The following SMG5 variants were observed in gnomAD, a reference collection of about 807,000 sequenced individuals.
SMG5 encodes the protein nonsense-mediated mRNA decay factor SMG5.
Under a neutral mutation model 122.9 loss-of-function variants are expected in SMG5, and 53 were observed. The ratio of observed to expected loss-of-function variants is 0.43; its 90% CI spans 0.35 to 0.54. The LOEUF (loss-of-function observed/expected upper bound fraction) is 0.54. Ranked by LOEUF, SMG5 falls within the 20% of genes least tolerant of loss-of-function variation. The probability of loss-of-function intolerance (pLI) is 0.01; values close to 1 mark genes in which losing one functional copy is unlikely to be tolerated. For synonymous variants in SMG5, 477 were observed against 490.2 expected (o/e 0.97, Z 0.35); for missense variants, 1,153 against 1,285.6 (o/e 0.90, Z 1.58).
In SMG5 at chr1:156,251,167, G is replaced by T. The variant is rs533396150; in HGVS notation, c.2829-171C>A. On this transcript the variant is annotated intron_variant, in intron 20 of 21. Coordinates refer to ENST00000361813, the MANE Select transcript of SMG5 (RefSeq NM_015327.3). ...TGGGGAGCAGGCAAAGGTGCATTGA[G>T]GGAAAACACCAAGCCTGAGCATCGC... 9 of 972,264 alleles carry T rather than the reference G, an allele frequency of 9.3e-6. No individual in the cohort carries two copies. In the Admixed American group the frequency reaches 1.9e-4, roughly 21 times the overall value. The allele number at this position is 972,264 out of a possible 1,614,324, so 60.2% of individuals were successfully genotyped here.
intron 13 of SMG5, among the ~76,000 whole-genome samples, chr1:156,261,669 C>A (rs1010334087): frequency 1.4e-4 from 22 of 152,132 alleles, no homozygotes; most frequent in Admixed American, 4.6e-4. Flanking sequence ...AGGCGGATCA[C>A]CTGAGGTCAG....
rs953591105 is a variant in SMG5 at position 156,268,324 on chromosome 1, ACTT to A, written c.802_804del (p.Lys268del). On this transcript the variant is annotated inframe_deletion, in exon 8 of 22. Transcript: ENST00000361813. ...CCAGGAGACAGTTTCCGAGTCTCAC[ACTT>A]CTTCAGTTGGTGGTACATTTTGGCT... 1.9e-6 allele frequency: 3 copies of A among 1,614,136 alleles called. No individual in the cohort carries two copies. Among genetic ancestry groups the A allele is most frequent in the African/African-American group, 1.3e-5 (1 of 75,022 alleles).
In SMG5 at chr1:156,260,460, G is replaced by A. The variant is rs777367444; in HGVS notation, c.2274C>T (p.Thr758=). Residue 758 remains threonine, a synonymous_variant, in exon 15 of 22, where the codon ACC becomes ACT. Transcript: ENST00000361813. ...GAAATGCTATCCTTACCTCCTCTAA[G>A]GTGCTGAGCAGGGGCCGATCCGTGT... ...NFDTDRPLLS[T]LEESVVRICC... 1.9e-6 allele frequency: 3 copies of A among 1,598,302 alleles called. No individual in the cohort carries two copies. The Admixed American group carries it at 5.3e-5, about 28-fold the overall frequency.
chr1:156,277,253 G>C lies in SMG5; in HGVS notation c.298-12C>G, dbSNP rs922354758. 2.5e-6 allele frequency: 4 copies of C among 1,610,810 alleles called. No homozygotes were observed. Among genetic ancestry groups the C allele is most frequent in the Non-Finnish European group, 3.4e-6 (4 of 1,178,986 alleles). Reference sequence around the variant, plus strand: ...CGGCTGTGGATGTGCTACAGATTGCGAAAGGGAAGGGGCTGGTTAAGCAAT... The same window carrying C: ...CGGCTGTGGATGTGCTACAGATTGCCAAAGGGAAGGGGCTGGTTAAGCAAT... On this transcript the variant is annotated splice_polypyrimidine_tract_variant and intron_variant, in intron 3 of 21. Coordinates refer to ENST00000361813, the MANE Select transcript of SMG5 (RefSeq NM_015327.3).
intron 4 of SMG5, among the ~76,000 whole-genome samples, chr1:156,275,995 G>C (rs1254765898): frequency 2.0e-5 from 3 of 151,162 alleles, no homozygotes; most frequent in Non-Finnish European, 2.9e-5. Flanking sequence ...ATTTTTTGTA[G>C]AGATGATGTA....
At position 156,277,097 on chromosome 1, in the gene SMG5, C is replaced by A; in HGVS notation, c.442G>T (p.Asp148Tyr). The change falls in exon 4 of 22, where the codon GAC becomes TAC. Residue 148 changes from aspartate to tyrosine, a missense_variant. Physicochemically the swap from Asp to Tyr is radical, Grantham distance 160. Coordinates refer to ENST00000361813, the MANE Select transcript of SMG5 (RefSeq NM_015327.3). Reference protein sequence around the residue: ...QCCIDWTHVTDPLIGCKKPVS... With the variant: ...QCCIDWTHVTYPLIGCKKPVS... The stretch of plus-strand genomic sequence containing the variant: ...AGGTTCCACTGACCTATGAGGGGGT[C>A]AGTGACATGGGTCCAGTCGATGCAG... 6.2e-7 allele frequency: 1 copy of A among 1,613,428 alleles called. No individual in the cohort carries two copies. The highest frequency in any genetic ancestry group is 1.1e-5 in the South Asian group (1 of 90,980).
chr1:156,260,395 T>C (rs1661763023), intron 15 of SMG5, 56 bp downstream of exon 15: 2 of 1,571,758 alleles, frequency 1.3e-6, no homozygotes, highest in Admixed American at 1.9e-5. Flanking sequence ...CTGAACCCAT[T>C]TGCTGCTGTT....
At chr1:156,273,329 G>A in intron 6 of SMG5, 32 bp downstream of exon 6, 1 of 1,584,428 alleles carries the variant, frequency 6.3e-7, no homozygotes, top group Non-Finnish European at 8.7e-7. Flanking sequence ...AAACCCTACT[G>A]GATTCAGAGG....
At chr1:156,257,221 C>G (rs1172813368) in intron 16 of SMG5, among the ~76,000 whole-genome samples, 1 of 152,158 alleles carries the variant, frequency 6.6e-6, no homozygotes, top group Non-Finnish European at 1.5e-5. Context: ...GCCACAGAGC[C>G]CAGCCTACTG....
upstream of SMG5, among the ~76,000 whole-genome samples, chr1:156,287,667 A>ACTC (rs1663208351): frequency 7.7e-6 from 1 of 129,248 alleles, no homozygotes; most frequent in South Asian, 2.5e-4. Flanking sequence ...CAGGCTGGAG[A>ACTC]GTACAATGGC....
chr1:156,282,992 C>T, upstream of SMG5: 1 of 511,252 alleles, frequency 2.0e-6, no homozygotes. Context: ...TTGCGAAAAA[C>T]TTTATTGGCA....
In SMG5 at chr1:156,250,136, A is replaced by ACCAGGTATTACC. The variant is rs1435387586; in HGVS notation, c.*439_*450dup. The ACCAGGTATTACC allele has an allele frequency of 3.6e-5, 13 of 358,734 alleles. No individual in the cohort carries two copies. Among genetic ancestry groups the ACCAGGTATTACC allele is most frequent in the African/African-American group, 2.6e-4 (12 of 46,748 alleles). 22.2% of individuals were successfully genotyped at this position (358,734 alleles called of 1,614,324 possible). On this transcript the variant is annotated 3_prime_UTR_variant, in exon 22 of 22. Coordinates refer to ENST00000361813, the MANE Select transcript of SMG5 (RefSeq NM_015327.3). ...AGGGTCTGCAGAGAATCACTCAGAC[A>ACCAGGTATTACC]CCAGGTATTACCCAGCTCTTCCCCC...
At chr1:156,260,335 C>T in intron 15 of SMG5, 116 bp downstream of exon 15, 2 of 1,242,634 alleles carry the variant, frequency 1.6e-6, no homozygotes, top group Non-Finnish European at 1.1e-6. Context: ...CCCAAGGACA[C>T]TGTCCCTGTC....
rs144579463 is a variant in SMG5, at chr1:156,274,735, C to T, written c.455-49G>A. 2.0e-4 allele frequency: 299 copies of T among 1,493,304 alleles called. No homozygotes were observed. In the African/African-American group the frequency reaches 2.6e-3, roughly 13 times the overall value. 92.5% of individuals were successfully genotyped at this position (1,493,304 alleles called of 1,614,324 possible). A position where few individuals can be genotyped will look rare whatever the true frequency, so the allele number is the denominator to read the frequency against. On this transcript the variant is annotated intron_variant, in intron 4 of 21. Transcript: ENST00000361813. ...TTGTAGGCCCATTCTTCTGCCTTCC[C>T]GCACCTATGAAGAAATACCCCTCCG... is the stretch of plus-strand genomic sequence containing the variant.
rs766312555 is a variant in SMG5, at chr1:156,250,561, C to T, written c.*26G>A. 3 of 1,604,762 alleles carry T rather than the reference C, an allele frequency of 1.9e-6. No homozygotes were observed. Among genetic ancestry groups the T allele is most frequent in the Non-Finnish European group, 2.6e-6 (3 of 1,171,598 alleles). ...AGGGCAGGAGAGATCTGGAGTCAGCCCCACTGCAGGGCCTGGGGGTCAGTA... is the reference window on the plus strand; with the variant it reads ...AGGGCAGGAGAGATCTGGAGTCAGCTCCACTGCAGGGCCTGGGGGTCAGTA... On this transcript the variant is annotated 3_prime_UTR_variant, in exon 22 of 22. Transcript: ENST00000361813.
chr1:156,256,465 A>T (rs1661581918), intron 16 of SMG5, among the ~76,000 whole-genome samples: 1 of 152,060 alleles, frequency 6.6e-6, no homozygotes, highest in Admixed American at 6.6e-5. Flanking sequence ...CACCATAGAC[A>T]AACTTTCCCT....
rs145100575 is a variant in SMG5, at chr1:156,267,524, T to C, written c.1063A>G (p.Ile355Val). 3.0e-3 allele frequency: 4,888 copies of C among 1,614,116 alleles called. 11 individuals are homozygous for C. Among genetic ancestry groups the C allele is most frequent in the Non-Finnish European group, 3.4e-3 (4,059 of 1,180,012 alleles). ...SGYAFLPDLL[I>V]FQMVIICLMC... ...AGGCAGATGATGACCATTTGAAAGA[T>C]GAGAAGGTCCGGGAGGAAAGCATAT... The change falls in exon 10 of 22, where the codon ATC becomes GTC. Residue 355 changes from isoleucine (I) to valine (V), a missense_variant. This residue lies in a region of SMG5 where 631 missense variants were observed against 650.6 expected (regional missense o/e 0.97). Transcript: ENST00000361813.
At chr1:156,268,611 G>A (rs532599678) in intron 7 of SMG5, among the ~76,000 whole-genome samples, 196 bp from the exon 8 acceptor site, 1 of 152,220 alleles carries the variant, frequency 6.6e-6, no homozygotes, top group Admixed American at 6.5e-5. Flanking sequence ...ATTAGTCAGA[G>A]GAAAAACGAT....
At position 156,274,701 on chromosome 1, in the gene SMG5, GAA is replaced by G. The variant is rs769627557; in HGVS notation, c.455-17_455-16del. 1.9e-6 allele frequency: 3 copies of G among 1,609,696 alleles called. No homozygotes were observed. The highest frequency in any genetic ancestry group is 3.3e-5 in the Admixed American group (2 of 59,978). ...CTTCTTGCATCCTATGAGACAAAGA[GAA>G]AGAGATTTGTAGGCCCATTCTTCTG... On this transcript the variant is annotated splice_polypyrimidine_tract_variant and intron_variant, in intron 4 of 21. Transcript: ENST00000361813.
Sources: allele counts gnomAD v4.1 joint callset (sites outside exome capture counted in the v4.1 genomes callset), GRCh38; gene constraint gnomAD v4.1.1; regional missense constraint gnomAD v4.1.1; transcripts MANE v1.5; gene names NCBI Gene and HGNC (gene_info 2026-07-23, HGNC 2026-07-21).